The following MBP variants were observed in gnomAD, a reference collection of about 807,000 sequenced individuals.
MBP encodes Golli-MBP.
In MBP, 16 loss-of-function variants were observed where a neutral mutation model predicts 35.8. The observed-to-expected ratio is 0.45, with a 90% CI of 0.30 to 0.68. The LOEUF (loss-of-function observed/expected upper bound fraction) is 0.68, where lower values mean the gene tolerates loss of function less well. Among genes scored for constraint, MBP ranks in the 30% least tolerant of loss-of-function variants. MBP has a pLI of 0.08. For missense variants in MBP, 380 were observed against 404.7 expected (o/e 0.94, Z 0.52); for synonymous variants, 143 against 159.6 (o/e 0.90, Z 0.78).
chr18:77,112,169 G>GCACACGCACACACACACA (rs1555730803), intron 1 of MBP, among the ~76,000 whole-genome samples: 8 of 150,874 alleles, frequency 5.3e-5, no homozygotes, highest in African/African-American at 1.7e-4. Context: ...CCGTGCACAC[G>GCACACGCACACACACACA]CACACACACA....
At chr18:77,050,528 C>A (rs1973447706) in intron 3 of MBP, among the ~76,000 whole-genome samples, 2 of 152,142 alleles carry the variant, frequency 1.3e-5, no homozygotes, top group African/African-American at 4.8e-5. Flanking sequence ...GCAGGTACTA[C>A]TGACTGAAAT....
intron 4 of MBP, among the ~76,000 whole-genome samples, chr18:76,993,858 G>A (rs181433598): frequency 6.6e-5 from 10 of 152,308 alleles, no homozygotes; most frequent in Admixed American, 3.9e-4. Context: ...GGCAGGTGCC[G>A]TGGGCCTTTG....
At chr18:77,081,397 T>C (rs1308127855) in intron 2 of MBP, among the ~76,000 whole-genome samples, 4 of 152,074 alleles carry the variant, frequency 2.6e-5, no homozygotes, top group African/African-American at 4.8e-5. Context: ...GGGAAAAAAT[T>C]TGAATAGACA....
At chr18:77,015,260 A>G in intron 4 of MBP, 1 of 972,534 alleles carries the variant, frequency 1.0e-6, no homozygotes, top group Middle Eastern at 5.3e-4. Context: ...GCACAGTTTA[A>G]GTACATTTTT....
At chr18:77,054,259 C>G (rs1973632263) in intron 3 of MBP, among the ~76,000 whole-genome samples, 1 of 152,256 alleles carries the variant, frequency 6.6e-6, no homozygotes, top group African/African-American at 2.4e-5. Context: ...GGCAGGCCTG[C>G]AGAGCCCACC....
chr18:77,118,882 C>T lies in MBP; in HGVS notation c.-25-13596G>A, dbSNP rs570859272. Reference sequence around the variant, plus strand: ...ACACACTCCACAGACACTTCACACACACCAGACACACACCACACACACAGC... The same window carrying T: ...ACACACTCCACAGACACTTCACACATACCAGACACACACCACACACACAGC... On this transcript the variant is annotated intron_variant, in intron 1 of 8. Coordinates refer to ENST00000355994, the MANE Select transcript of MBP (RefSeq NM_001025101.2). Among the ~76,000 whole-genome samples, 4 of 152,004 alleles carry T rather than the reference C, an allele frequency of 2.6e-5. No homozygotes were observed. The East Asian group carries it at 7.7e-4, about 29-fold the overall frequency.
chr18:77,029,291 A>G (rs938196550), intron 3 of MBP, among the ~76,000 whole-genome samples: 26 of 150,062 alleles, frequency 1.7e-4, no homozygotes, highest in African/African-American at 5.8e-4. Flanking sequence ...CGCGCCTGCA[A>G]TCGCAGGCAC....
intron 3 of MBP, among the ~76,000 whole-genome samples, chr18:77,052,916 C>T (rs562294283): frequency 1.2e-4 from 19 of 152,206 alleles, no homozygotes; most frequent in Non-Finnish European, 2.4e-4. Context: ...GTGCCCTTGC[C>T]GTCCTAACCT....
intron 3 of MBP, among the ~76,000 whole-genome samples, chr18:77,029,704 G>A (rs754969917): frequency 1.1e-4 from 16 of 152,010 alleles, no homozygotes; most frequent in East Asian, 5.8e-4. Context: ...TTTTGGTAGC[G>A]CATCTAGTTA....
rs1205689976 is a variant in MBP at position 76,980,254 on chromosome 18, T to C, written c.*173A>G. The C allele has an allele frequency of 5.5e-6, 4 of 729,328 alleles. No individual in the cohort carries two copies. The highest frequency in any genetic ancestry group is 1.0e-5 in the Non-Finnish European group (4 of 397,376). 45.2% of individuals were successfully genotyped at this position (729,328 alleles called of 1,614,324 possible). ...TGTTTTCATGTTCTCATTTAACTGT[T>C]GGCCGGAAATTGCCGGTAGGCTGCC... On this transcript the variant is annotated 3_prime_UTR_variant, in exon 9 of 9. Transcript: ENST00000355994.
chr18:77,068,977 T>C (rs1974319430), intron 2 of MBP: 1 of 474,912 alleles, frequency 2.1e-6, no homozygotes, highest in African/African-American at 2.0e-5. Context: ...TGACCTCACC[T>C]CGGGGCCTCT....
At chr18:77,018,574 A>C (rs1971799108) in intron 3 of MBP, among the ~76,000 whole-genome samples, 1 of 138,802 alleles carries the variant, frequency 7.2e-6, no homozygotes, top group African/African-American at 2.9e-5. Context: ...CCACTCATCC[A>C]TCCATTCATC....
chr18:77,045,764 C>G (rs1350136291), intron 3 of MBP, among the ~76,000 whole-genome samples: 1 of 152,224 alleles, frequency 6.6e-6, no homozygotes, highest in Non-Finnish European at 1.5e-5. Context: ...AGAAACAGCA[C>G]CGATTAACAG....
intron 3 of MBP, among the ~76,000 whole-genome samples, chr18:77,048,977 T>G (rs1973370410): frequency 6.6e-6 from 1 of 151,012 alleles, no homozygotes; most frequent in Non-Finnish European, 1.5e-5. Context: ...TGGAGTGCAG[T>G]GGCATGGTGT....
chr18:77,055,560 C>T (rs1973684692), intron 3 of MBP, among the ~76,000 whole-genome samples: 1 of 150,604 alleles, frequency 6.6e-6, no homozygotes, highest in South Asian at 2.1e-4. Context: ...TCTTTTCATC[C>T]TTCCTTCCTT....
At chr18:77,015,338 G>A (rs1971566546) in intron 4 of MBP, 1 of 985,330 alleles carries the variant, frequency 1.0e-6, no homozygotes, top group South Asian at 4.7e-5. Flanking sequence ...TATGCGTGAG[G>A]GATGCTTACA....
intron 3 of MBP, among the ~76,000 whole-genome samples, chr18:77,032,170 T>C (rs1480526605): frequency 1.3e-5 from 2 of 152,136 alleles, no homozygotes; most frequent in African/African-American, 4.8e-5. Flanking sequence ...TTTGGAAGTG[T>C]GGGCCAGGGC....
chr18:77,015,932 A>G, intron 4 of MBP: 13 of 985,458 alleles, frequency 1.3e-5, no homozygotes, highest in Non-Finnish European at 1.4e-5. Flanking sequence ...TTCATCTTAC[A>G]GGTTGTGTGA....
chr18:77,045,536 G>A (rs998318941), intron 3 of MBP, among the ~76,000 whole-genome samples: 3 of 152,166 alleles, frequency 2.0e-5, no homozygotes, highest in East Asian at 1.9e-4. Flanking sequence ...ATGTGTCTCC[G>A]ACAATGTCCT....
Sources: allele counts gnomAD v4.1 joint callset (sites outside exome capture counted in the v4.1 genomes callset), GRCh38; gene constraint gnomAD v4.1.1; transcripts MANE v1.5; gene names NCBI Gene and HGNC (gene_info 2026-07-23, HGNC 2026-07-21).